The following TENM2 variants were observed in gnomAD, a reference collection of about 807,000 sequenced individuals.
The protein encoded by TENM2 is teneurin transmembrane protein 2, also known as teneurin-2.
In TENM2, 52 loss-of-function variants were observed where a neutral mutation model predicts 245.2. The observed-to-expected ratio is 0.21, with a 90% CI of 0.17 to 0.27. The LOEUF (loss-of-function observed/expected upper bound fraction) is 0.27. Among genes scored for constraint, TENM2 ranks in the 10% least tolerant of loss-of-function variants. TENM2 has a pLI of 1.00. For missense variants in TENM2, 3,046 were observed against 3,666.8 expected, an observed-to-expected ratio of 0.83 and a Z score of 4.37; for synonymous variants, 1,363 against 1,438.9, an observed-to-expected ratio of 0.95 and a Z score of 1.19.
chr5:167,972,479 C>A (rs768087548), intron 4 of TENM2, among the ~76,000 whole-genome samples: 5 of 152,076 alleles, frequency 3.3e-5, no homozygotes, highest in Non-Finnish European at 7.3e-5. Flanking sequence ...ACATTTAGAT[C>A]GCTTTCAGAA....
At chr5:167,925,559 A>G (rs1777687880) in intron 3 of TENM2, among the ~76,000 whole-genome samples, 2 of 152,216 alleles carry the variant, frequency 1.3e-5, no homozygotes, top group African/African-American at 4.8e-5. Flanking sequence ...TTCCTCAAAG[A>G]GTTAAAAGCA....
At chr5:167,479,412 T>A (rs1198053493) in intron 2 of TENM2, among the ~76,000 whole-genome samples, 5 of 152,164 alleles carry the variant, frequency 3.3e-5, no homozygotes, top group African/African-American at 1.2e-4. Context: ...AGATTAAGCC[T>A]TCAAACTAAG....
At chr5:168,062,342 C>T in intron 7 of TENM2, 77 bp downstream of exon 9, 1 of 1,120,374 alleles carries the variant, frequency 8.9e-7, no homozygotes, top group Non-Finnish European at 1.3e-6. Flanking sequence ...TATGCCACTT[C>T]ACATCCACTA....
the TENM2 span, among the ~76,000 whole-genome samples, chr5:167,187,053 T>C: frequency 1.3e-5 from 2 of 152,206 alleles, no homozygotes; most frequent in Non-Finnish European, 2.9e-5. Context: ...TCAATTGGGT[T>C]TTCTTGGTCT....
Position 167,290,104 on chromosome 5 carries a change from C to A in TENM2, c.226+5041C>A, listed in dbSNP as rs184484810. On this transcript the variant is annotated intron_variant, in intron 1 of 28. Transcript: ENST00000518659. ...CTAGTCTTTGGTTGTATTGTTTTTT[C>A]TTTTTTAAAAAATATCCTTAGAAAA... is the stretch of plus-strand genomic sequence containing the variant. Among the ~76,000 whole-genome samples, 7 of 152,148 alleles carry A rather than the reference C, an allele frequency of 4.6e-5. No individual in the cohort carries two copies. The East Asian group carries it at 1.4e-3, about 29-fold the overall frequency.
chr5:167,350,621 A>T (rs1379461188), intron 1 of TENM2, among the ~76,000 whole-genome samples: 2 of 143,384 alleles, frequency 1.4e-5, no homozygotes, highest in Non-Finnish European at 3.0e-5. Context: ...TGGGATACAT[A>T]TGTGGATATA....
chr5:167,538,932 C>T (rs982097132), intron 2 of TENM2, among the ~76,000 whole-genome samples: 4 of 152,060 alleles, frequency 2.6e-5, no homozygotes, highest in African/African-American at 9.7e-5. Flanking sequence ...TAAACCTTTC[C>T]CATCATTATG....
chr5:168,183,514 T>C (rs1369034158), intron 13 of TENM2, among the ~76,000 whole-genome samples: 3 of 152,154 alleles, frequency 2.0e-5, no homozygotes, highest in African/African-American at 7.2e-5. Context: ...GGAAACTCTT[T>C]CCATCTCTAT....
chr5:167,401,930 C>G (rs2127387181), intron 2 of TENM2, among the ~76,000 whole-genome samples: 1 of 152,266 alleles, frequency 6.6e-6, no homozygotes, highest in South Asian at 2.1e-4. Flanking sequence ...TATTCTCCTT[C>G]CCACCCCATG....
intron 3 of TENM2, among the ~76,000 whole-genome samples, chr5:167,926,066 C>T (rs1777738741): frequency 6.6e-6 from 1 of 151,852 alleles, no homozygotes; most frequent in African/African-American, 2.4e-5. Context: ...CACGTGTTTA[C>T]CTATGTAAAA....
intron 2 of TENM2, among the ~76,000 whole-genome samples, chr5:167,610,738 T>A (rs1777427066): frequency 2.0e-5 from 3 of 152,166 alleles, no homozygotes; most frequent in Non-Finnish European, 4.4e-5. Flanking sequence ...CTTAGATAAA[T>A]GTTTCTGGAT....
At chr5:167,044,611 C>A in the TENM2 span, among the ~76,000 whole-genome samples, 1 of 152,160 alleles carries the variant, frequency 6.6e-6, no homozygotes, top group South Asian at 2.1e-4. Context: ...ACAGGTAGAC[C>A]ACTGAGTGAC....
chr5:167,712,431 C>T (rs1345497307), intron 2 of TENM2, among the ~76,000 whole-genome samples: 1 of 152,168 alleles, frequency 6.6e-6, no homozygotes, highest in East Asian at 1.9e-4. Flanking sequence ...TAAGACAACA[C>T]AGCAAGTTTT....
At chr5:167,365,375 G>A (rs938859701) in intron 1 of TENM2, among the ~76,000 whole-genome samples, 1 of 143,994 alleles carries the variant, frequency 6.9e-6, no homozygotes, top group African/African-American at 2.6e-5. Context: ...AGAACCTAGA[G>A]AAGGATGAGA....
chr5:167,474,832 A>G (rs182850774), intron 2 of TENM2, among the ~76,000 whole-genome samples: 4 of 152,312 alleles, frequency 2.6e-5, no homozygotes, highest in African/African-American at 7.2e-5. Flanking sequence ...GAGATATTTG[A>G]AAGATTTATT....
At chr5:168,257,078 T>C (rs1160045469) in intron 27 of TENM2, among the ~76,000 whole-genome samples, 1 of 152,208 alleles carries the variant, frequency 6.6e-6, no homozygotes, top group Non-Finnish European at 1.5e-5. Flanking sequence ...GGCATTGTTG[T>C]AGGGCCTAGG....
intron 3 of TENM2, among the ~76,000 whole-genome samples, chr5:167,882,608 G>A (rs1236016556): frequency 7.2e-5 from 11 of 152,168 alleles, no homozygotes; most frequent in Admixed American, 7.2e-4. Context: ...GAAGGTGAAG[G>A]GGAAGAACAG....
intron 10 of TENM2, among the ~76,000 whole-genome samples, chr5:168,120,677 C>T (rs1222581177): frequency 6.6e-6 from 1 of 152,200 alleles, no homozygotes; most frequent in Non-Finnish European, 1.5e-5. Flanking sequence ...TTGATTTCTG[C>T]TACCCAAAAA....
At chr5:167,326,138 C>T (rs1248061022) in intron 1 of TENM2, among the ~76,000 whole-genome samples, 1 of 151,964 alleles carries the variant, frequency 6.6e-6, no homozygotes, top group African/African-American at 2.4e-5. Flanking sequence ...CTCAGTATAG[C>T]GCAGGGTTAG....
Sources: allele counts gnomAD v4.1 joint callset (sites outside exome capture counted in the v4.1 genomes callset), GRCh38; gene constraint gnomAD v4.1.1; transcripts MANE v1.5; gene names NCBI Gene and HGNC (gene_info 2026-07-23, HGNC 2026-07-21).